Variants in CACNA2D3 observed in about 807,000 individuals in gnomAD.
CACNA2D3 encodes the protein voltage-dependent calcium channel subunit alpha-2/delta-3.
A neutral mutation model predicts 160.6 loss-of-function variants in CACNA2D3; 60 were observed. That is an observed-to-expected ratio of 0.37 (90% CI 0.30 to 0.46). The LOEUF (loss-of-function observed/expected upper bound fraction) is 0.46. Among genes scored for constraint, CACNA2D3 ranks in the 20% least tolerant of loss-of-function variants. The pLI, the probability that CACNA2D3 is intolerant of heterozygous loss-of-function variation, is 1.00. For synonymous variants in CACNA2D3, 558 were observed against 492.9 expected, an observed-to-expected ratio of 1.13 and a Z score of -1.75; for missense variants, 1,205 against 1,365.0, an observed-to-expected ratio of 0.88 and a Z score of 1.85.
chr3:54,153,222 C>G (rs1178641842), intron 2 of CACNA2D3, among the ~76,000 whole-genome samples: 1 of 152,162 alleles, frequency 6.6e-6, no homozygotes, highest in Non-Finnish European at 1.5e-5. Flanking sequence ...TGACAGTGCT[C>G]TCCTGGGGAA....
At chr3:54,752,318 C>T (rs1472951021) in intron 11 of CACNA2D3, among the ~76,000 whole-genome samples, 1 of 152,174 alleles carries the variant, frequency 6.6e-6, no homozygotes, top group Non-Finnish European at 1.5e-5. Context: ...CAAGCCCAGG[C>T]CTGTGAGGCT....
intron 14 of CACNA2D3, among the ~76,000 whole-genome samples, chr3:54,829,796 T>C (rs1238382670): frequency 6.6e-6 from 1 of 151,960 alleles, no homozygotes; most frequent in African/African-American, 2.4e-5. Flanking sequence ...AAGCTGCATT[T>C]GAGAAAGTGG....
chr3:54,287,710 G>A (rs1312422484), intron 2 of CACNA2D3, among the ~76,000 whole-genome samples: 28 of 145,532 alleles, frequency 1.9e-4, no homozygotes, highest in South Asian at 4.6e-4. Context: ...AAAGAACAGA[G>A]ATTATAACAA....
At chr3:54,418,773 T>C (rs1171842058) in intron 4 of CACNA2D3, among the ~76,000 whole-genome samples, 1 of 152,198 alleles carries the variant, frequency 6.6e-6, no homozygotes, top group Non-Finnish European at 1.5e-5. Context: ...TTGATCTACA[T>C]GAAGTATTAA....
intron 4 of CACNA2D3, among the ~76,000 whole-genome samples, chr3:54,466,490 G>C (rs1263667927): frequency 6.6e-6 from 1 of 152,152 alleles, no homozygotes; most frequent in Non-Finnish European, 1.5e-5. Context: ...TTTTTGGAAG[G>C]AAGGAAAATT....
intron 4 of CACNA2D3, among the ~76,000 whole-genome samples, chr3:54,474,182 A>G (rs1700786982): frequency 6.6e-6 from 1 of 152,216 alleles, no homozygotes; most frequent in Non-Finnish European, 1.5e-5. Flanking sequence ...GATAAAGAAA[A>G]TGTAGCACAT....
At chr3:54,776,085 G>A (rs1355413816) in intron 13 of CACNA2D3, among the ~76,000 whole-genome samples, 1 of 152,132 alleles carries the variant, frequency 6.6e-6, no homozygotes, top group Non-Finnish European at 1.5e-5. Flanking sequence ...TTACATTTCT[G>A]AGCAAATTAT....
intron 11 of CACNA2D3, among the ~76,000 whole-genome samples, chr3:54,718,316 C>G (rs924545990): frequency 1.3e-5 from 2 of 151,992 alleles, no homozygotes; most frequent in Admixed American, 1.3e-4. Flanking sequence ...TTTCCCTGCC[C>G]CAATGGTGGA....
chr3:54,774,914 G>T (rs1702397520), intron 13 of CACNA2D3, among the ~76,000 whole-genome samples: 1 of 152,242 alleles, frequency 6.6e-6, no homozygotes, highest in Non-Finnish European at 1.5e-5. Flanking sequence ...GATTACAGAT[G>T]TGAGCCACCA....
At chr3:54,446,640 A>T (rs898854385) in intron 4 of CACNA2D3, among the ~76,000 whole-genome samples, 1 of 151,598 alleles carries the variant, frequency 6.6e-6, no homozygotes, top group Non-Finnish European at 1.5e-5. Flanking sequence ...ATCAAATCAT[A>T]TTTGGGGTAT....
intron 2 of CACNA2D3, among the ~76,000 whole-genome samples, chr3:54,151,834 C>A (rs1700157212): frequency 6.6e-6 from 1 of 152,182 alleles, no homozygotes; most frequent in African/African-American, 2.4e-5. Flanking sequence ...ATTCCTCTGC[C>A]TTTATCTCCC....
intron 9 of CACNA2D3, among the ~76,000 whole-genome samples, chr3:54,610,464 A>G (rs930900101): frequency 2.0e-5 from 3 of 151,742 alleles, no homozygotes; most frequent in East Asian, 1.9e-4. Context: ...GTCCGTTTCA[A>G]TGCCCTACCC....
intron 2 of CACNA2D3, among the ~76,000 whole-genome samples, chr3:54,271,888 A>G (rs984845317): frequency 6.6e-6 from 1 of 152,210 alleles, no homozygotes; most frequent in African/African-American, 2.4e-5. Flanking sequence ...ATTCACTCCA[A>G]AAGCTCTGTG....
intron 5 of CACNA2D3, among the ~76,000 whole-genome samples, chr3:54,541,370 T>C (rs1701976663): frequency 6.7e-6 from 1 of 149,490 alleles, no homozygotes; most frequent in Non-Finnish European, 1.5e-5. Context: ...CATATAAAGA[T>C]GGAGGCAGAA....
At chr3:54,193,525 T>G (rs778181274) in intron 2 of CACNA2D3, among the ~76,000 whole-genome samples, 2 of 152,256 alleles carry the variant, frequency 1.3e-5, no homozygotes, top group Non-Finnish European at 2.9e-5. Flanking sequence ...TTATCTCATT[T>G]AATCTTCATA....
intron 11 of CACNA2D3, among the ~76,000 whole-genome samples, chr3:54,661,495 C>T (rs1345817184): frequency 6.6e-6 from 1 of 151,948 alleles, no homozygotes; most frequent in East Asian, 1.9e-4. Flanking sequence ...TACCTTAACC[C>T]TCCTAAAGTA....
At chr3:54,554,034 C>G (rs879745689) in intron 5 of CACNA2D3, among the ~76,000 whole-genome samples, 1 of 152,182 alleles carries the variant, frequency 6.6e-6, no homozygotes. Context: ...CATCTAGTAC[C>G]TCTCGCCAAG....
At chr3:54,541,486 C>G (rs73093839) in intron 5 of CACNA2D3, among the ~76,000 whole-genome samples, 21,641 of 151,942 alleles carry the variant, frequency 0.14, 1,952 homozygotes, top group Non-Finnish European at 0.19. Flanking sequence ...CCAAAAGGAA[C>G]CAGCTCTGCA....
At chr3:54,150,827 G>A (rs1700135455) in intron 2 of CACNA2D3, among the ~76,000 whole-genome samples, 2 of 42,776 alleles carry the variant, frequency 4.7e-5, no homozygotes, top group African/African-American at 2.7e-4. Flanking sequence ...ATACATGATG[G>A]ATGGATGGAT....
Sources: allele counts gnomAD v4.1 joint callset (sites outside exome capture counted in the v4.1 genomes callset), GRCh38; gene constraint gnomAD v4.1.1; transcripts MANE v1.5; gene names NCBI Gene and HGNC (gene_info 2026-07-23, HGNC 2026-07-21).